CCDC171: variants seen among roughly 807,000 people sequenced by gnomAD.
CCDC171 encodes the protein coiled-coil domain containing 171.
Under a neutral mutation model 168.2 loss-of-function variants are expected in CCDC171, and 177 were observed. That is an observed-to-expected ratio of 1.05 (90% CI 0.93 to 1.19). CCDC171 has a LOEUF of 1.19. Ranked by LOEUF, CCDC171 falls within the 50% of genes most tolerant of loss-of-function variation. CCDC171 has a pLI of 0.00. For synonymous variants in CCDC171, 687 were observed against 540.8 expected (o/e 1.27, Z -3.75); for missense variants, 1,991 against 1,539.0 (o/e 1.29, Z -4.91).
intron 16 of CCDC171, among the ~76,000 whole-genome samples, chr9:15,733,488 T>G (rs2054282683): frequency 1.3e-5 from 2 of 151,760 alleles, no homozygotes; most frequent in Admixed American, 1.3e-4. Flanking sequence ...GTTTTTTTTT[T>G]TTTTTTGCGT....
chr9:15,793,589 G>GTC (rs2058393642), intron 21 of CCDC171, among the ~76,000 whole-genome samples: 2 of 101,530 alleles, frequency 2.0e-5, no homozygotes, highest in Admixed American at 2.8e-4. Context: ...TTGAGACAGA[G>GTC]TCTCACTCTC....
chr9:16,090,457 C>A, the CCDC171 span, among the ~76,000 whole-genome samples: 13 of 152,086 alleles, frequency 8.5e-5, no homozygotes, highest in African/African-American at 3.1e-4. Flanking sequence ...AGGAGAAATA[C>A]CTAATGTAGA....
chr9:16,067,845 G>C, the CCDC171 span, among the ~76,000 whole-genome samples: 16 of 152,146 alleles, frequency 1.1e-4, no homozygotes, highest in African/African-American at 4.8e-5. Context: ...TACCAGTGCC[G>C]TGCTGTTTTG....
chr9:15,822,149 G>T (rs2059802687), intron 21 of CCDC171, among the ~76,000 whole-genome samples: 1 of 152,144 alleles, frequency 6.6e-6, no homozygotes, highest in South Asian at 2.1e-4. Context: ...GCTGACACTG[G>T]ATCCCTTCCT....
chr9:15,811,859 G>A (rs548312167), intron 21 of CCDC171, among the ~76,000 whole-genome samples: 3 of 152,326 alleles, frequency 2.0e-5, no homozygotes, highest in South Asian at 4.1e-4. Flanking sequence ...AGTACCTAAA[G>A]TGTGAGGCAC....
chr9:15,598,648 G>T (rs1354369287), intron 6 of CCDC171, among the ~76,000 whole-genome samples: 2 of 152,166 alleles, frequency 1.3e-5, no homozygotes, highest in Admixed American at 6.6e-5. Context: ...GGAGAGTTCT[G>T]TAGATGTCTA....
intron 3 of CCDC171, among the ~76,000 whole-genome samples, chr9:16,018,519 C>A (rs977730861): frequency 1.1e-4 from 16 of 152,140 alleles, no homozygotes; most frequent in Admixed American, 9.8e-4. Context: ...TTATTAACTT[C>A]TTAAATAACT....
At chr9:15,769,167 T>A (rs2056883771) in intron 18 of CCDC171, among the ~76,000 whole-genome samples, 1 of 152,260 alleles carries the variant, frequency 6.6e-6, no homozygotes, top group South Asian at 2.1e-4. Context: ...AGTTTCTGTC[T>A]TTAAATGCAA....
At chr9:16,058,122 G>A (rs1204483498) in intron 1 of CCDC171, among the ~76,000 whole-genome samples, 1 of 151,944 alleles carries the variant, frequency 6.6e-6, no homozygotes, top group Non-Finnish European at 1.5e-5. Flanking sequence ...ACATGAGGGG[G>A]ACTATCCAAA....
Position 15,741,587 on chromosome 9 carries a change from A to G in CCDC171, c.2050-2686A>G, listed in dbSNP as rs76300565. On this transcript the variant is annotated intron_variant, in intron 16 of 25. Coordinates refer to ENST00000380701, the MANE Select transcript of CCDC171 (RefSeq NM_173550.4). ...GCTATTGTGAATAATGTTGCTGTGA[A>G]CAAGAAGCTATTGATTTTTTTGTAT... Among the ~76,000 whole-genome samples, 202 of 152,312 alleles carry G rather than the reference A, an allele frequency of 1.3e-3. 2 individuals carry two copies. The highest frequency in any genetic ancestry group is 4.5e-3 in the African/African-American group (188 of 41,572).
intron 7 of CCDC171, among the ~76,000 whole-genome samples, chr9:15,624,651 T>C (rs1263571491): frequency 6.6e-6 from 1 of 152,238 alleles, no homozygotes; most frequent in East Asian, 1.9e-4. Flanking sequence ...CTCATCATTT[T>C]TTATGGCTGC....
intron 7 of CCDC171, among the ~76,000 whole-genome samples, 198 bp from the exon 8 acceptor site, chr9:15,656,929 A>G (rs1394398735): frequency 1.3e-5 from 2 of 152,096 alleles, no homozygotes; most frequent in Non-Finnish European, 2.9e-5. Context: ...ATACCTCTAT[A>G]AAGTGTAAAG....
chr9:15,810,674 G>T (rs1339769036), intron 21 of CCDC171, among the ~76,000 whole-genome samples: 1 of 152,218 alleles, frequency 6.6e-6, no homozygotes, highest in East Asian at 1.9e-4. Flanking sequence ...CCTGGGGCCG[G>T]CAGTGCCGGC....
chr9:15,825,866 A>G (rs1485560822), intron 21 of CCDC171, among the ~76,000 whole-genome samples: 2 of 152,180 alleles, frequency 1.3e-5, no homozygotes, highest in Non-Finnish European at 1.5e-5. Context: ...GGGCACCAAA[A>G]TGTGGTAGAC....
chr9:15,943,567 G>T (rs891014213), intron 25 of CCDC171, among the ~76,000 whole-genome samples: 3 of 151,944 alleles, frequency 2.0e-5, no homozygotes, highest in Non-Finnish European at 4.4e-5. Context: ...CAGACATTGT[G>T]TATTATTTAA....
At chr9:15,974,295 T>C (rs747530935), downstream of CCDC171, among the ~76,000 whole-genome samples, 1 of 152,172 alleles carries the variant, frequency 6.6e-6, no homozygotes, top group Non-Finnish European at 1.5e-5. Flanking sequence ...TGACATATCC[T>C]ATGGAGATCT....
intron 6 of CCDC171, among the ~76,000 whole-genome samples, chr9:15,602,907 C>G (rs940692507): frequency 6.6e-6 from 1 of 152,104 alleles, no homozygotes; most frequent in Non-Finnish European, 1.5e-5. Context: ...ATCTGCCTGC[C>G]TCGGCCTCCC....
At chr9:15,758,557 G>C (rs191029374) in intron 18 of CCDC171, among the ~76,000 whole-genome samples, 1 of 152,276 alleles carries the variant, frequency 6.6e-6, no homozygotes, top group African/African-American at 2.4e-5. Context: ...TTAAGACTTT[G>C]GGGGATGGTT....
chr9:15,862,456 C>A (rs962091673), intron 23 of CCDC171, among the ~76,000 whole-genome samples: 1 of 151,672 alleles, frequency 6.6e-6, no homozygotes, highest in Non-Finnish European at 1.5e-5. Context: ...TATTATTTTT[C>A]TGAGCTTATC....
Sources: gnomAD v4.1 joint callset for allele counts (sites outside exome capture counted in the v4.1 genomes callset) on GRCh38, gnomAD v4.1.1 for gene constraint, MANE v1.5 for transcripts, NCBI Gene and HGNC (gene_info 2026-07-23, HGNC 2026-07-21) for gene names.